The following USP15 variants were observed in gnomAD, a reference collection of about 807,000 sequenced individuals.
USP15 encodes ubiquitin carboxyl-terminal hydrolase 15.
In USP15, 18 loss-of-function variants were observed where a neutral mutation model predicts 127.1. The ratio of observed to expected loss-of-function variants is 0.14; its 90% CI spans 0.10 to 0.21. The LOEUF (loss-of-function observed/expected upper bound fraction) is 0.21, where lower values mean the gene tolerates loss of function less well. Ranked by LOEUF, USP15 falls within the 10% of genes least tolerant of loss-of-function variation. The pLI is 1.00. For missense variants in USP15, 805 were observed against 1,159.9 expected, an observed-to-expected ratio of 0.69 and a Z score of 4.44; for synonymous variants, 364 against 393.7, an observed-to-expected ratio of 0.92 and a Z score of 0.89.
At chr12:62,379,259 T>C (rs2066918352) in intron 8 of USP15, among the ~76,000 whole-genome samples, 1 of 149,408 alleles carries the variant, frequency 6.7e-6, no homozygotes, top group Admixed American at 6.7e-5. Context: ...GACTTTCAGA[T>C]TGAGAGAGTA....
At chr12:62,320,550 G>T (rs373885283) in intron 4 of USP15, among the ~76,000 whole-genome samples, 1 of 152,132 alleles carries the variant, frequency 6.6e-6, no homozygotes, top group Non-Finnish European at 1.5e-5. Context: ...TATTCTGGGT[G>T]ATTTGCTTTA....
At chr12:62,321,695 G>A (rs1208593012) in intron 5 of USP15, 86 bp downstream of exon 5, 2 of 1,120,230 alleles carry the variant, frequency 1.8e-6, no homozygotes, top group Non-Finnish European at 2.4e-6. Context: ...ATATATAATG[G>A]GCTGTACTGT....
chr12:62,347,143 C>T (rs1265480614), intron 6 of USP15, among the ~76,000 whole-genome samples: 1 of 151,984 alleles, frequency 6.6e-6, no homozygotes, highest in Non-Finnish European at 1.5e-5. Context: ...ATACAGTAGT[C>T]ATTTAATAAA....
chr12:62,332,898 G>A (rs941212122), intron 6 of USP15, among the ~76,000 whole-genome samples: 1 of 152,102 alleles, frequency 6.6e-6, no homozygotes, highest in Non-Finnish European at 1.5e-5. Flanking sequence ...TGAGTGCTCT[G>A]CTTGGAGAGA....
chr12:62,286,258 G>A (rs911616656), intron 1 of USP15, among the ~76,000 whole-genome samples: 2 of 152,038 alleles, frequency 1.3e-5, no homozygotes, highest in African/African-American at 4.8e-5. Context: ...CATACAGACA[G>A]CCAGCAAATG....
intron 2 of USP15, 46 bp from the exon 3 acceptor site, chr12:62,302,744 A>G (rs2064353882): frequency 6.4e-7 from 1 of 1,561,692 alleles, no homozygotes; most frequent in African/African-American, 1.4e-5. Context: ...ATGTGTCCAA[A>G]CAAAGTATTT....
At chr12:62,356,505 C>T (rs980210162) in intron 8 of USP15, among the ~76,000 whole-genome samples, 5 of 151,926 alleles carry the variant, frequency 3.3e-5, no homozygotes, top group African/African-American at 9.7e-5. Context: ...ATCTGTCATA[C>T]ACTATAGGCC....
intron 1 of USP15, among the ~76,000 whole-genome samples, chr12:62,263,682 G>A (rs983222451): frequency 6.6e-6 from 1 of 152,102 alleles, no homozygotes; most frequent in Admixed American, 6.5e-5. Context: ...GCAAGAAGAA[G>A]GTAGCACTGA....
In USP15 at chr12:62,401,092, A is replaced by C; in HGVS notation, c.2675-95A>C. ...AGCCTCATAGATGATTATCAGTGTT[A>C]ATAGATATTCCTTATATAGATGATT... On this transcript the variant is annotated intron_variant, in intron 20 of 21. Transcript: ENST00000280377. The C allele has an allele frequency of 8.4e-6, 6 of 714,354 alleles. No homozygotes were observed. The South Asian group carries it at 1.1e-4, about 14-fold the overall frequency. 44.3% of individuals were successfully genotyped at this position (714,354 alleles called of 1,614,324 possible).
intron 8 of USP15, among the ~76,000 whole-genome samples, chr12:62,361,599 CTT>C (rs1248108991): frequency 6.6e-6 from 1 of 151,754 alleles, no homozygotes; most frequent in Non-Finnish European, 1.5e-5. Context: ...GCTGAAGTAT[CTT>C]GTATCAATTA....
intron 11 of USP15, among the ~76,000 whole-genome samples, chr12:62,386,100 A>T (rs1054653489): frequency 6.6e-6 from 1 of 151,894 alleles, no homozygotes; most frequent in Admixed American, 6.6e-5. Context: ...TTGGTGACCA[A>T]TAATATAAAT....
In USP15 at chr12:62,260,419, C is replaced by T; in HGVS notation, c.5C>T (p.Ala2Val). M[A>V]EGGAADLDTQ... Reference sequence around the variant, plus strand: ...CCCTACCGCTAGTGGAAGAAGATGGCGGAAGGCGGAGCGGCGGATCTGGAC... The same window carrying T: ...CCCTACCGCTAGTGGAAGAAGATGGTGGAAGGCGGAGCGGCGGATCTGGAC... The change falls in exon 1 of 22, where the codon GCG becomes GTG. Residue 2 changes from alanine to valine, a missense_variant. Physicochemically the swap from Ala to Val is moderately conservative, Grantham distance 64 (BLOSUM62 0). Coordinates refer to ENST00000280377, the MANE Select transcript of USP15 (RefSeq NM_001252078.2). 6.4e-7 allele frequency: 1 copy of T among 1,551,018 alleles called. No homozygotes were observed. Among genetic ancestry groups the T allele is most frequent in the Non-Finnish European group, 8.7e-7 (1 of 1,147,402 alleles).
rs906844308 is a variant in USP15, at chr12:62,333,099, T to G, written c.683+7166T>G. Among the ~76,000 whole-genome samples, 32 of 152,238 alleles carry G rather than the reference T, an allele frequency of 2.1e-4. 2 individuals are homozygous for G. The highest frequency in any genetic ancestry group is 2.9e-5 in the Non-Finnish European group (2 of 68,038). ...CGAAGCAGCTAAATGGATTTGGAAA[T>G]GATGCATAGACTCATTTGGTTAAAA... On this transcript the variant is annotated intron_variant, in intron 6 of 21. Transcript: ENST00000280377.
chr12:62,320,228 A>T (rs180999986), intron 4 of USP15, among the ~76,000 whole-genome samples: 141 of 152,202 alleles, frequency 9.3e-4, no homozygotes, highest in Non-Finnish European at 1.8e-3. Flanking sequence ...ATAGAGGCAG[A>T]TTTCCCCCTT....
intron 8 of USP15, among the ~76,000 whole-genome samples, chr12:62,363,356 C>T (rs191605639): frequency 1.8e-4 from 27 of 152,246 alleles, no homozygotes; most frequent in African/African-American, 6.3e-4. Context: ...CCCATGCTAG[C>T]TTATTTCCTA....
intron 1 of USP15, among the ~76,000 whole-genome samples, chr12:62,293,894 G>T: frequency 6.6e-6 from 1 of 151,760 alleles, no homozygotes; most frequent in Admixed American, 6.6e-5. Context: ...AATTCTTACG[G>T]TTATTTCCAT....
chr12:62,375,885 A>G (rs1347949674), intron 8 of USP15, among the ~76,000 whole-genome samples: 1 of 152,196 alleles, frequency 6.6e-6, no homozygotes, highest in East Asian at 1.9e-4. Flanking sequence ...TCTTGCACAT[A>G]CAATAGCCAT....
chr12:62,303,041 C>T, intron 3 of USP15, 121 bp downstream of exon 3: 13 of 1,139,890 alleles, frequency 1.1e-5, no homozygotes, highest in Non-Finnish European at 1.6e-5. Context: ...AGCAAAATAA[C>T]CGTACACTGT....
chr12:62,349,196 A>G, intron 6 of USP15, 25 bp from the exon 7 acceptor site: 1 of 1,317,780 alleles, frequency 7.6e-7, no homozygotes, highest in South Asian at 1.6e-5. Context: ...TTTTTATCTA[A>G]TTTAACATTT....
Sources: allele counts gnomAD v4.1 joint callset (sites outside exome capture counted in the v4.1 genomes callset), GRCh38; gene constraint gnomAD v4.1.1; transcripts MANE v1.5; gene names NCBI Gene and HGNC (gene_info 2026-07-23, HGNC 2026-07-21).